Variants in KLF8 observed in about 807,000 individuals in gnomAD.
The protein encoded by KLF8 is Krueppel-like factor 8.
KLF8 carries 10 observed loss-of-function variants against 18.2 expected under a neutral mutation model. The ratio of observed to expected loss-of-function variants is 0.55; its 90% confidence interval spans 0.34 to 0.93. KLF8 has a LOEUF of 0.93. Among genes scored for constraint, KLF8 ranks in the 40% least tolerant of loss-of-function variants. The pLI, the probability that KLF8 is intolerant of heterozygous loss-of-function variation, is 0.02. For synonymous variants in KLF8, 109 were observed against 97.3 expected (o/e 1.12, Z -0.71); for missense variants, 264 against 277.9 (o/e 0.95, Z 0.36).
chrX:56,187,976 C>T, the KLF8 span, among the ~76,000 whole-genome samples: 2 of 111,655 alleles, frequency 1.8e-5, no homozygotes, highest in African/African-American at 6.5e-5. Context: ...GACAGTGATG[C>T]CCTCTCTCAC....
chrX:56,113,864 A>G, the KLF8 span, among the ~76,000 whole-genome samples: 1 of 110,809 alleles, frequency 9.0e-6, no homozygotes, highest in Non-Finnish European at 1.9e-5. Flanking sequence ...TCAAGGGCTT[A>G]TTTAAGGAAG....
At chrX:56,240,672 T>G (rs1262438203) in intron 1 of KLF8, among the ~76,000 whole-genome samples, 1 of 111,415 alleles carries the variant, frequency 9.0e-6, no homozygotes, top group East Asian at 2.8e-4. Context: ...ACACCTTCAT[T>G]ATTATTATTT....
At chrX:56,113,272 T>C in the KLF8 span, among the ~76,000 whole-genome samples, 1 of 110,381 alleles carries the variant, frequency 9.1e-6, no homozygotes, top group African/African-American at 3.3e-5. Flanking sequence ...AATTTTTGTT[T>C]ATTTTTTCCT....
chrX:55,946,521 A>T, the KLF8 span, among the ~76,000 whole-genome samples: 3 of 111,889 alleles, frequency 2.7e-5, no homozygotes, highest in Admixed American at 1.9e-4. Context: ...TAGACCTCAA[A>T]CCATAAAAAC....
the KLF8 span, among the ~76,000 whole-genome samples, chrX:56,225,353 T>C: frequency 2.7e-5 from 3 of 111,605 alleles, no homozygotes; most frequent in African/African-American, 9.8e-5. Flanking sequence ...TTGGTCTCTG[T>C]GAGATGGCAT....
chrX:56,045,568 T>C, the KLF8 span, among the ~76,000 whole-genome samples: 2 of 112,270 alleles, frequency 1.8e-5, no homozygotes, highest in African/African-American at 3.2e-5. Flanking sequence ...CTATGATTTC[T>C]TTTAGCAGTG....
the KLF8 span, among the ~76,000 whole-genome samples, chrX:56,106,500 A>T: frequency 1.8e-5 from 2 of 112,223 alleles, no homozygotes; most frequent in African/African-American, 3.2e-5. Flanking sequence ...CATTTGATCG[A>T]ATCAGCTACT....
the KLF8 span, among the ~76,000 whole-genome samples, chrX:56,069,918 TATCA>T: frequency 8.9e-6 from 1 of 112,716 alleles, no homozygotes; most frequent in African/African-American, 3.2e-5. Context: ...CCCAAAGGAT[TATCA>T]ATCATTCTCC....
the KLF8 span, among the ~76,000 whole-genome samples, chrX:55,992,528 A>G: frequency 2.7e-5 from 3 of 111,719 alleles, no homozygotes; most frequent in East Asian, 8.4e-4. Flanking sequence ...AGTCAGGTAG[A>G]GTGGTGCCTC....
chrX:56,131,060 C>T, the KLF8 span, among the ~76,000 whole-genome samples: 3 of 111,383 alleles, frequency 2.7e-5, no homozygotes, highest in Non-Finnish European at 5.7e-5. Context: ...GTTAGGAAAA[C>T]ATATTTGAAG....
chrX:56,062,085 C>T, the KLF8 span, among the ~76,000 whole-genome samples: 1 of 102,752 alleles, frequency 9.7e-6, no homozygotes, highest in African/African-American at 3.7e-5. Flanking sequence ...CTCCTGAATA[C>T]AGCACAGTGA....
the KLF8 span, among the ~76,000 whole-genome samples, chrX:56,226,381 T>C: frequency 9.8e-5 from 11 of 112,495 alleles, no homozygotes; most frequent in South Asian, 4.1e-3. Context: ...TGACATGTTT[T>C]ACTTAAGTAA....
the KLF8 span, among the ~76,000 whole-genome samples, chrX:56,174,309 T>C: frequency 8.9e-6 from 1 of 111,899 alleles, no homozygotes; most frequent in Non-Finnish European, 1.9e-5. Context: ...GCATGAAGCA[T>C]TGTTGAATTT....
At chrX:55,945,973 A>G in the KLF8 span, among the ~76,000 whole-genome samples, 29 of 111,511 alleles carry the variant, frequency 2.6e-4, no homozygotes, top group Admixed American at 2.5e-3. Flanking sequence ...CTGCTGCTCA[A>G]TGAGATAAAA....
At chrX:55,938,396 A>C in the KLF8 span, among the ~76,000 whole-genome samples, 2 of 111,786 alleles carry the variant, frequency 1.8e-5, no homozygotes, top group Admixed American at 9.5e-5. Flanking sequence ...GAAAGGAAAA[A>C]CCAGTACCAG....
At chrX:55,992,430 G>A in the KLF8 span, among the ~76,000 whole-genome samples, 10 of 111,581 alleles carry the variant, frequency 9.0e-5, no homozygotes, top group South Asian at 3.8e-3. Flanking sequence ...TTATTTCTGG[G>A]CTCTCTAACC....
At chrX:56,224,872 G>T in the KLF8 span, among the ~76,000 whole-genome samples, 1 of 111,675 alleles carries the variant, frequency 9.0e-6, no homozygotes, top group South Asian at 3.8e-4. Flanking sequence ...GGTGTCTGGT[G>T]AGGGCTCACT....
the KLF8 span, among the ~76,000 whole-genome samples, chrX:56,154,335 C>G: frequency 1.8e-5 from 2 of 111,482 alleles, no homozygotes; most frequent in Non-Finnish European, 3.8e-5. Flanking sequence ...ACAAACCTGA[C>G]AAAAACAAGA....
At chrX:56,083,476 C>T in the KLF8 span, among the ~76,000 whole-genome samples, 6 of 111,921 alleles carry the variant, frequency 5.4e-5, no homozygotes, top group Non-Finnish European at 1.1e-4. Context: ...TGTTTTTCTA[C>T]CTTGAAAATA....
Sources: allele counts gnomAD v4.1 joint callset (sites outside exome capture counted in the v4.1 genomes callset), GRCh38; gene constraint gnomAD v4.1.1; transcripts MANE v1.5; gene names NCBI Gene and HGNC (gene_info 2026-07-23, HGNC 2026-07-21).